The following TASP1 variants were observed in gnomAD, a reference collection of about 807,000 sequenced individuals.
TASP1 encodes the protein taspase 1, also known as threonine aspartase 1.
TASP1 carries 16 observed loss-of-function variants against 56.6 expected under a neutral mutation model. That is an observed-to-expected ratio of 0.28 (90% CI 0.19 to 0.43). The LOEUF is 0.43. TASP1 is among the 20% of genes least tolerant of loss of function. The pLI is 1.00. For synonymous variants in TASP1, 179 were observed against 184.2 expected, an observed-to-expected ratio of 0.97 and a Z score of 0.23; for missense variants, 393 against 511.6, an observed-to-expected ratio of 0.77 and a Z score of 2.24.
At chr20:13,159,366 G>A in the TASP1 span, among the ~76,000 whole-genome samples, 175 of 151,990 alleles carry the variant, frequency 1.2e-3, 2 homozygotes, top group Non-Finnish European at 1.8e-4. Flanking sequence ...TGCATCCCTG[G>A]GCATGTTCAT....
intron 10 of TASP1, among the ~76,000 whole-genome samples, chr20:13,500,033 G>A (rs1180214152): frequency 6.6e-6 from 1 of 151,610 alleles, no homozygotes; most frequent in African/African-American, 2.4e-5. Context: ...TGGGTAGAGT[G>A]TTCACAATTT....
At chr20:13,461,913 TC>T (rs1281688112) in intron 11 of TASP1, among the ~76,000 whole-genome samples, 2 of 152,150 alleles carry the variant, frequency 1.3e-5, no homozygotes, top group African/African-American at 2.4e-5. Flanking sequence ...ATTCATTCTT[TC>T]CATCGAAAAG....
At chr20:13,347,471 G>A in the TASP1 span, among the ~76,000 whole-genome samples, 1 of 152,220 alleles carries the variant, frequency 6.6e-6, no homozygotes, top group South Asian at 2.1e-4. Flanking sequence ...TGGTTCTAGA[G>A]TCTCAGATTG....
At chr20:13,407,905 T>C (rs966876741) in intron 13 of TASP1, among the ~76,000 whole-genome samples, 1 of 152,224 alleles carries the variant, frequency 6.6e-6, no homozygotes, top group Non-Finnish European at 1.5e-5. Context: ...TCAGATCTCA[T>C]GCCCATTTTA....
chr20:13,136,154 C>A, the TASP1 span, among the ~76,000 whole-genome samples: 42 of 152,016 alleles, frequency 2.8e-4, no homozygotes, highest in Non-Finnish European at 5.6e-4. Flanking sequence ...CCCTCTCTGC[C>A]CTTAAACTGA....
chr20:13,505,716 A>C (rs1056854011), intron 10 of TASP1, among the ~76,000 whole-genome samples: 24 of 152,184 alleles, frequency 1.6e-4, no homozygotes, highest in Non-Finnish European at 3.4e-4. Flanking sequence ...GAGACAAACA[A>C]AAATGGAAAC....
chr20:13,588,394 G>A (rs1437571628), intron 4 of TASP1, among the ~76,000 whole-genome samples: 1 of 151,936 alleles, frequency 6.6e-6, no homozygotes, highest in Non-Finnish European at 1.5e-5. Context: ...AAAATTGTCT[G>A]TTTCAAGATA....
the TASP1 span, among the ~76,000 whole-genome samples, chr20:13,114,004 A>T: frequency 6.6e-6 from 1 of 152,226 alleles, no homozygotes; most frequent in Non-Finnish European, 1.5e-5. Flanking sequence ...GGCTTAGATT[A>T]CTTGCCCCAG....
At chr20:13,402,056 T>A (rs921925554) in intron 13 of TASP1, among the ~76,000 whole-genome samples, 3 of 152,212 alleles carry the variant, frequency 2.0e-5, no homozygotes, top group African/African-American at 7.2e-5. Context: ...AGTCAAGTAA[T>A]AGATTAAAAT....
intron 4 of TASP1, among the ~76,000 whole-genome samples, chr20:13,595,320 A>G (rs1024335216): frequency 6.6e-6 from 1 of 152,240 alleles, no homozygotes; most frequent in Non-Finnish European, 1.5e-5. Context: ...TGTATCAATT[A>G]ACGGCAAAAT....
At chr20:13,571,408 A>C (rs1234098395) in intron 6 of TASP1, among the ~76,000 whole-genome samples, 1 of 152,222 alleles carries the variant, frequency 6.6e-6, no homozygotes, top group African/African-American at 2.4e-5. Flanking sequence ...TCTCTCAAGC[A>C]TTCTTCTGAT....
intron 10 of TASP1, among the ~76,000 whole-genome samples, chr20:13,512,873 G>T (rs974888010): frequency 3.3e-5 from 5 of 152,076 alleles, no homozygotes; most frequent in African/African-American, 9.7e-5. Context: ...TTTCCCCATT[G>T]CTTGTTTTTG....
At chr20:13,249,159 A>T in the TASP1 span, among the ~76,000 whole-genome samples, 1 of 152,186 alleles carries the variant, frequency 6.6e-6, no homozygotes, top group Non-Finnish European at 1.5e-5. Flanking sequence ...GGACACAAAG[A>T]TCTGGGGGGA....
At chr20:13,302,219 T>C in the TASP1 span, among the ~76,000 whole-genome samples, 1 of 152,296 alleles carries the variant, frequency 6.6e-6, no homozygotes, top group East Asian at 1.9e-4. Context: ...CTATTTGCCT[T>C]TTAATATCAG....
chr20:13,446,901 T>C (rs768061114), intron 11 of TASP1, among the ~76,000 whole-genome samples: 1 of 152,146 alleles, frequency 6.6e-6, no homozygotes, highest in Non-Finnish European at 1.5e-5. Context: ...CTCCTGGACA[T>C]AGATGTTATC....
chr20:13,228,932 C>T, the TASP1 span, among the ~76,000 whole-genome samples: 12 of 152,078 alleles, frequency 7.9e-5, no homozygotes, highest in Admixed American at 2.6e-4. Flanking sequence ...CATAACTGAA[C>T]GCTCATAGTA....
At chr20:13,201,805 G>A in the TASP1 span, among the ~76,000 whole-genome samples, 1 of 150,826 alleles carries the variant, frequency 6.6e-6, no homozygotes, top group Non-Finnish European at 1.5e-5. Flanking sequence ...CCAGGCTGGA[G>A]TGCAGTGGTG....
chr20:13,355,343 C>G, the TASP1 span, among the ~76,000 whole-genome samples: 1 of 152,128 alleles, frequency 6.6e-6, no homozygotes, highest in African/African-American at 2.4e-5. Flanking sequence ...GATTTAGTTG[C>G]TGAGAGGACT....
At chr20:13,375,927 T>G in the TASP1 span, among the ~76,000 whole-genome samples, 3 of 147,752 alleles carry the variant, frequency 2.0e-5, no homozygotes, top group Admixed American at 6.7e-5. Flanking sequence ...GATGGGGTTG[T>G]TTTTTTTTTG....
Sources: allele counts gnomAD v4.1 joint callset (sites outside exome capture counted in the v4.1 genomes callset), GRCh38; gene constraint gnomAD v4.1.1; transcripts MANE v1.5; gene names NCBI Gene and HGNC (gene_info 2026-07-23, HGNC 2026-07-21).